MB21D2: variants seen among roughly 807,000 people sequenced by gnomAD.
MB21D2 encodes the protein nucleotidyltransferase MB21D2.
Under a neutral mutation model 33.3 loss-of-function variants are expected in MB21D2, and 9 were observed. The observed-to-expected ratio is 0.27, with a 90% CI of 0.16 to 0.47. MB21D2 has a LOEUF of 0.47. MB21D2 is among the 20% of genes least tolerant of loss of function. The probability of loss-of-function intolerance (pLI) is 0.99; values close to 1 mark genes in which losing one functional copy is unlikely to be tolerated. For synonymous variants in MB21D2, 241 were observed against 236.3 expected, an observed-to-expected ratio of 1.02 and a Z score of -0.18; for missense variants, 540 against 624.6, an observed-to-expected ratio of 0.86 and a Z score of 1.44.
chr3:192,853,369 T>A (rs1334144935), intron 1 of MB21D2, among the ~76,000 whole-genome samples: 2 of 152,220 alleles, frequency 1.3e-5, no homozygotes, highest in Admixed American at 1.3e-4. Context: ...TAAGGTAGCA[T>A]TTAATAGAAG....
intron 1 of MB21D2, among the ~76,000 whole-genome samples, chr3:192,847,541 GAC>G (rs1712702321): frequency 6.6e-6 from 1 of 152,172 alleles, no homozygotes; most frequent in South Asian, 2.1e-4. Flanking sequence ...GATGGCCGGT[GAC>G]ACACAGTAGA....
At position 192,882,196 on chromosome 3, in the gene MB21D2, G is replaced by A. The variant is rs1713610725; in HGVS notation, c.211+35434C>T. ...GCTAGAGTGCAATGGCACAATCTTG[G>A]CTCACTGCAACCTCCACCTCCTGGG... is the stretch of plus-strand genomic sequence containing the variant. On this transcript the variant is annotated intron_variant, in intron 1 of 1. Transcript: ENST00000392452. Among the ~76,000 whole-genome samples the A allele has an allele frequency of 1.3e-5, 2 of 151,936 alleles. 1 individual carries two copies. The highest frequency in any genetic ancestry group is 1.3e-4 in the Admixed American group (2 of 15,268).
In MB21D2 at chr3:192,891,412, A is replaced by G. The variant is rs556510240; in HGVS notation, c.211+26218T>C. 2.0e-5 allele frequency among the ~76,000 whole-genome samples: 3 copies of G among 152,310 alleles called. No individual in the cohort carries two copies. In the East Asian group the frequency reaches 5.8e-4, roughly 29 times the overall value. On this transcript the variant is annotated intron_variant, in intron 1 of 1. Transcript: ENST00000392452. ...AAAATAATTAATGTAACAGAACAAG[A>G]GCAGGAAAAGCTGGTATCATAAGAG...
At chr3:192,836,800 T>C (rs1034510005) in intron 1 of MB21D2, among the ~76,000 whole-genome samples, 3 of 152,214 alleles carry the variant, frequency 2.0e-5, no homozygotes, top group African/African-American at 7.2e-5. Context: ...TCATCCTGCC[T>C]AGGTTTCTCC....
intron 1 of MB21D2, among the ~76,000 whole-genome samples, chr3:192,879,635 G>C (rs1713517007): frequency 6.6e-6 from 1 of 152,218 alleles, no homozygotes; most frequent in Admixed American, 6.5e-5. Context: ...GGGAGGGGCA[G>C]AGAAGGGGGT....
intron 1 of MB21D2, among the ~76,000 whole-genome samples, chr3:192,839,161 G>A (rs925358930): frequency 7.9e-5 from 12 of 152,152 alleles, no homozygotes; most frequent in Non-Finnish European, 1.5e-5. Context: ...AAATAGCTGA[G>A]TGCTATAAAT....
intron 1 of MB21D2, among the ~76,000 whole-genome samples, chr3:192,827,475 C>T (rs148156019): frequency 1.4e-3 from 206 of 152,192 alleles, no homozygotes; most frequent in Middle Eastern, 3.4e-3. Flanking sequence ...AGTGCTGACA[C>T]TTAGAGAAGT....
In MB21D2 at chr3:192,917,784, C is replaced by A; in HGVS notation, c.57G>T (p.Lys19Asn). 1 of 1,613,658 alleles carries A rather than the reference C, an allele frequency of 6.2e-7. No homozygotes were observed. The highest frequency in any genetic ancestry group is 8.5e-7 in the Non-Finnish European group (1 of 1,180,030). Residue 19 changes from lysine to asparagine, a missense_variant, in exon 1 of 2, where the codon AAG becomes AAT. Lys to Asn is a moderately conservative substitution (Grantham distance 94, BLOSUM62 0). Transcript: ENST00000392452. ...NKAASLGCNNKPAFPELDFRS... is the reference protein window; with the variant it reads ...NKAASLGCNNNPAFPELDFRS... ...TGAAATCCAGCTCCGGGAACGCAGGCTTGTTGTTACAGCCCAGGGAGGCTG... is the reference window on the plus strand; with the variant it reads ...TGAAATCCAGCTCCGGGAACGCAGGATTGTTGTTACAGCCCAGGGAGGCTG...
chr3:192,835,306 A>T (rs1024856157), intron 1 of MB21D2, among the ~76,000 whole-genome samples: 2 of 151,368 alleles, frequency 1.3e-5, no homozygotes, highest in Admixed American at 6.6e-5. Context: ...ATACAAAAAA[A>T]TTAGCTGGGT....
Position 192,798,722 on chromosome 3 carries a change from AGGGATGAAATAATTGG to A in MB21D2, c.1124_1139del (p.Pro375LeufsTer45). ...ACAGATGTTCCAGCATGTTGCACTG[AGGGATGAAATAATTGG>A]GGCACATCTTGTTGACCAGACAGTG... is the stretch of plus-strand genomic sequence containing the variant. On this transcript the variant is annotated frameshift_variant, in exon 2 of 2. Coordinates refer to ENST00000392452, the MANE Select transcript of MB21D2 (RefSeq NM_178496.4). LOFTEE classifies it high-confidence loss of function. This position sits in a 1 kb window ranked among gnomAD's most constrained non-coding sequence, Gnocchi z 4.8. The A allele has an allele frequency of 6.2e-7, 1 of 1,613,432 alleles. No individual in the cohort carries two copies.
At chr3:192,817,932 C>T (rs1282173763) in intron 1 of MB21D2, among the ~76,000 whole-genome samples, 1 of 148,328 alleles carries the variant, frequency 6.7e-6, no homozygotes, top group East Asian at 2.0e-4. Context: ...CCCTTATGTT[C>T]TTAATTGGCC....
At chr3:192,914,255 A>C (rs1714415793) in intron 1 of MB21D2, among the ~76,000 whole-genome samples, 1 of 152,218 alleles carries the variant, frequency 6.6e-6, no homozygotes, top group Non-Finnish European at 1.5e-5. Context: ...ATGGGAAAGC[A>C]ATACCTCCTC....
At chr3:192,871,035 G>A (rs1346824345) in intron 1 of MB21D2, among the ~76,000 whole-genome samples, 3 of 152,186 alleles carry the variant, frequency 2.0e-5, no homozygotes, top group Admixed American at 6.5e-5. Context: ...GGATAAGGAC[G>A]TCTGCTCTGC....
intron 1 of MB21D2, among the ~76,000 whole-genome samples, chr3:192,873,208 A>C (rs186790459): frequency 1.5e-3 from 228 of 152,240 alleles, no homozygotes; most frequent in South Asian, 0.015. Context: ...TGTATGCACA[A>C]TTACTATTAG....
chr3:192,834,207 C>T (rs974940158), intron 1 of MB21D2, among the ~76,000 whole-genome samples: 10 of 151,836 alleles, frequency 6.6e-5, no homozygotes, highest in Non-Finnish European at 1.3e-4. Context: ...GTCCCAGCTA[C>T]TCAGGAGGCT....
intron 1 of MB21D2, among the ~76,000 whole-genome samples, chr3:192,838,167 C>A (rs1712481125): frequency 6.6e-6 from 1 of 152,154 alleles, no homozygotes. Context: ...TCACTGACTG[C>A]TGGAAGAAGG....
chr3:192,856,794 C>A (rs1712927802), intron 1 of MB21D2, among the ~76,000 whole-genome samples: 1 of 152,186 alleles, frequency 6.6e-6, no homozygotes, highest in Non-Finnish European at 1.5e-5. Context: ...CTCAAGCAAT[C>A]TGCACATTTG....
rs572861515 is a variant in MB21D2, at chr3:192,842,936, A to T, written c.212-43286T>A. 3.9e-5 allele frequency among the ~76,000 whole-genome samples: 6 copies of T among 152,356 alleles called. No homozygotes were observed. The East Asian group carries it at 1.2e-3, about 29-fold the overall frequency. On this transcript the variant is annotated intron_variant, in intron 1 of 1. Transcript: ENST00000392452. ...TTGGCAGACTGTGTCTTTGACTAAC[A>T]GAAGTCTTAAGAGACTGGAGGTAAA...
chr3:192,898,468 G>T (rs2133864), intron 1 of MB21D2, among the ~76,000 whole-genome samples: 7 of 151,900 alleles, frequency 4.6e-5, no homozygotes, highest in Non-Finnish European at 8.8e-5. Context: ...GCTACAAAGA[G>T]GTGGGAGACT....
Sources: gnomAD v4.1 joint callset for allele counts (sites outside exome capture counted in the v4.1 genomes callset) on GRCh38, gnomAD v4.1.1 for gene constraint, Gnocchi (gnomAD v3.1) non-coding constraint, MANE v1.5 for transcripts, NCBI Gene and HGNC (gene_info 2026-07-23, HGNC 2026-07-21) for gene names.